The following MGMT variants were observed in gnomAD, a reference collection of about 807,000 sequenced individuals.
MGMT encodes the protein methylated-DNA--protein-cysteine methyltransferase.
A neutral mutation model predicts 15.9 loss-of-function variants in MGMT; 14 were observed. The observed-to-expected ratio is 0.88, with a 90% CI of 0.58 to 1.37. The LOEUF (loss-of-function observed/expected upper bound fraction) is 1.37. MGMT is among the 40% of genes most tolerant of loss of function. MGMT has a pLI of 0.00. For missense variants in MGMT, 282 were observed against 268.1 expected (o/e 1.05, Z -0.36); for synonymous variants, 130 against 118.2 (o/e 1.10, Z -0.65).
At chr10:129,563,234 G>C (rs921917016) in intron 2 of MGMT, among the ~76,000 whole-genome samples, 7 of 152,218 alleles carry the variant, frequency 4.6e-5, no homozygotes, top group Non-Finnish European at 8.8e-5. Flanking sequence ...TTGAGTGCCT[G>C]TTACGTGCTG....
chr10:129,758,406 C>A (rs1848831420), intron 3 of MGMT, among the ~76,000 whole-genome samples: 1 of 152,124 alleles, frequency 6.6e-6, no homozygotes, highest in South Asian at 2.1e-4. Context: ...GCATGTCCCC[C>A]TTGGAAAGAC....
At chr10:129,689,229 C>A (rs1461098681) in intron 2 of MGMT, among the ~76,000 whole-genome samples, 2 of 152,202 alleles carry the variant, frequency 1.3e-5, no homozygotes, top group Non-Finnish European at 2.9e-5. Flanking sequence ...GCGCCCAGCC[C>A]AACCCTGTCC....
intron 2 of MGMT, among the ~76,000 whole-genome samples, chr10:129,567,319 C>T (rs1846367576): frequency 6.6e-6 from 1 of 152,130 alleles, no homozygotes; most frequent in African/African-American, 2.4e-5. Flanking sequence ...CTCCCACCCC[C>T]ATCCCATGTC....
At chr10:129,665,976 T>A (rs573801871) in intron 2 of MGMT, among the ~76,000 whole-genome samples, 1 of 152,292 alleles carries the variant, frequency 6.6e-6, no homozygotes, top group South Asian at 2.1e-4. Flanking sequence ...TTGACAACTG[T>A]ACTGTATTAT....
intron 2 of MGMT, among the ~76,000 whole-genome samples, chr10:129,662,322 G>A (rs531587572): frequency 4.6e-5 from 7 of 152,180 alleles, no homozygotes; most frequent in African/African-American, 1.7e-4. Flanking sequence ...TTAAAATAGG[G>A]TGACCAGTCA....
intron 2 of MGMT, among the ~76,000 whole-genome samples, chr10:129,690,507 C>G (rs1847957220): frequency 6.6e-6 from 1 of 152,154 alleles, no homozygotes; most frequent in Non-Finnish European, 1.5e-5. Context: ...CCTGTGGAAA[C>G]CACAGGACCA....
At position 129,762,135 on chromosome 10, in the gene MGMT, C is replaced by T. The variant is rs148915788; in HGVS notation, c.414+2794C>T. ...GAATGTTTCCCTTTGGCGCTGACAG[C>T]AGTGTCCCAGCCGGAAGGCTGCGCA... On this transcript the variant is annotated intron_variant, in intron 4 of 4. Coordinates refer to ENST00000651593, the MANE Select transcript of MGMT (RefSeq NM_002412.5). Among the ~76,000 whole-genome samples the T allele has an allele frequency of 1.5e-3, 227 of 152,348 alleles. 1 individual carries two copies. The highest frequency in any genetic ancestry group is 4.4e-3 in the African/African-American group (184 of 41,590).
chr10:129,597,920 C>T (rs574790570), intron 2 of MGMT, among the ~76,000 whole-genome samples: 48 of 152,258 alleles, frequency 3.2e-4, no homozygotes, highest in African/African-American at 1.1e-3. Flanking sequence ...GAGGTTGTGG[C>T]ATTGACGTAT....
chr10:129,520,981 A>AGCCCCTACGGTGCGCGTACGGG (rs1312862563), intron 1 of MGMT, among the ~76,000 whole-genome samples: 2 of 124,522 alleles, frequency 1.6e-5, no homozygotes, highest in African/African-American at 3.6e-5. Context: ...GAGGGTGCAG[A>AGCCCCTACGGTGCGCGTACGGG]GCCCCTACGG....
At chr10:129,740,762 C>T (rs578073182) in intron 3 of MGMT, among the ~76,000 whole-genome samples, 16 of 152,132 alleles carry the variant, frequency 1.1e-4, no homozygotes, top group Admixed American at 5.2e-4. Flanking sequence ...GATAGGCTGC[C>T]GTCTGGGCCT....
intron 1 of MGMT, among the ~76,000 whole-genome samples, chr10:129,535,087 C>T (rs895973363): frequency 4.6e-5 from 7 of 152,178 alleles, no homozygotes; most frequent in Non-Finnish European, 8.8e-5. Context: ...TGCCCCTGCT[C>T]CAGCCCCTTG....
chr10:129,583,939 A>T (rs968834901), intron 2 of MGMT, among the ~76,000 whole-genome samples: 11 of 152,188 alleles, frequency 7.2e-5, no homozygotes, highest in Non-Finnish European at 1.5e-4. Context: ...AAAGTGAGGC[A>T]GGACGTGGAG....
chr10:129,703,214 C>A (rs1403432722), intron 2 of MGMT, among the ~76,000 whole-genome samples: 4 of 152,176 alleles, frequency 2.6e-5, no homozygotes, highest in Non-Finnish European at 4.4e-5. Context: ...TTGAGATCTT[C>A]AGCACAAGCA....
At chr10:129,714,248 G>A (rs1227085985) in intron 3 of MGMT, among the ~76,000 whole-genome samples, 1 of 152,236 alleles carries the variant, frequency 6.6e-6, no homozygotes, top group Non-Finnish European at 1.5e-5. Context: ...TGGCTGACCA[G>A]CTATACTCTG....
chr10:129,633,633 A>G (rs1435320577), intron 2 of MGMT, among the ~76,000 whole-genome samples: 1 of 152,238 alleles, frequency 6.6e-6, no homozygotes, highest in Non-Finnish European at 1.5e-5. Context: ...CAAAAGAAAT[A>G]ACAATTACCT....
intron 2 of MGMT, among the ~76,000 whole-genome samples, chr10:129,539,118 A>G (rs1028478938): frequency 1.3e-5 from 2 of 152,208 alleles, no homozygotes; most frequent in Middle Eastern, 3.4e-3. Flanking sequence ...TAAATTTTGA[A>G]CAAGTCCATA....
At chr10:129,510,907 C>G (rs1845675076) in intron 1 of MGMT, among the ~76,000 whole-genome samples, 1 of 148,752 alleles carries the variant, frequency 6.7e-6, no homozygotes, top group South Asian at 2.2e-4. Context: ...CCCCGTATAC[C>G]AGACACAGGC....
At chr10:129,619,090 C>A (rs12251589) in intron 2 of MGMT, among the ~76,000 whole-genome samples, 55,125 of 152,006 alleles carry the variant, frequency 0.36, 10,489 homozygotes, top group African/African-American at 0.43. Flanking sequence ...CAGTATTTTA[C>A]TGTTAAATAT....
At chr10:129,641,842 A>G (rs898406865) in intron 2 of MGMT, among the ~76,000 whole-genome samples, 11 of 152,228 alleles carry the variant, frequency 7.2e-5, no homozygotes, top group Admixed American at 6.5e-4. Context: ...TTGAAGAAAC[A>G]TCCTAGAATT....
Sources: gnomAD v4.1 joint callset for allele counts (sites outside exome capture counted in the v4.1 genomes callset) on GRCh38, gnomAD v4.1.1 for gene constraint, MANE v1.5 for transcripts, NCBI Gene and HGNC (gene_info 2026-07-23, HGNC 2026-07-21) for gene names.